Variants in GUSB observed in about 807,000 individuals in gnomAD.
GUSB encodes the protein glucuronidase beta, also known as beta-glucuronidase.
GUSB carries 51 observed loss-of-function variants against 74.6 expected under a neutral mutation model. The observed-to-expected ratio is 0.68, with a 90% CI of 0.55 to 0.86. GUSB has a LOEUF of 0.86. Ranked by LOEUF, GUSB falls within the 40% of genes least tolerant of loss-of-function variation. GUSB has a pLI of 0.00. For missense variants in GUSB, 736 were observed against 853.7 expected, an observed-to-expected ratio of 0.86 and a Z score of 1.72; for synonymous variants, 360 against 348.3, an observed-to-expected ratio of 1.03 and a Z score of -0.37.
In GUSB at chr7:65,960,751, G is replaced by T; in HGVS notation, c.*146C>A. The T allele has an allele frequency of 2.8e-6, 2 of 722,698 alleles. No individual in the cohort carries two copies. The highest frequency in any genetic ancestry group is 5.0e-6 in the Non-Finnish European group (2 of 399,158). 44.8% of individuals were successfully genotyped at this position (722,698 alleles called of 1,614,324 possible). A position where few individuals can be genotyped will look rare whatever the true frequency, so the allele number is the denominator to read the frequency against. ...AGAAAATCTTTTATTTCCACCTTTA[G>T]TGTTCCCTGCTAGAATAGATGACCA... On this transcript the variant is annotated 3_prime_UTR_variant, in exon 12 of 12. Coordinates refer to ENST00000304895, the MANE Select transcript of GUSB (RefSeq NM_000181.4).
chr7:65,965,295 A>G (rs1271389781), intron 10 of GUSB, among the ~76,000 whole-genome samples: 1 of 151,284 alleles, frequency 6.6e-6, no homozygotes, highest in African/African-American at 2.4e-5. Context: ...AGTTCAAGCT[A>G]CTTGGGGCTA....
At chr7:65,966,484 A>G (rs1396134422) in intron 10 of GUSB, among the ~76,000 whole-genome samples, 1 of 151,990 alleles carries the variant, frequency 6.6e-6, no homozygotes, top group Non-Finnish European at 1.5e-5. Flanking sequence ...GGACAAAAAA[A>G]TGAGATAGAT....
At chr7:65,963,773 T>C (rs912201342) in intron 11 of GUSB, among the ~76,000 whole-genome samples, 1 of 152,180 alleles carries the variant, frequency 6.6e-6, no homozygotes, top group Non-Finnish European at 1.5e-5. Flanking sequence ...CTTGAACTCC[T>C]GGCCTCAAGC....
At position 65,963,156 on chromosome 7, in the gene GUSB, C is replaced by G. The variant is rs1469834514; in HGVS notation, c.1789+1167G>C. 2.0e-5 allele frequency among the ~76,000 whole-genome samples: 3 copies of G among 152,240 alleles called. No individual in the cohort carries two copies. The East Asian group carries it at 5.8e-4, about 30-fold the overall frequency. ...CACAGGCTTGAGCCACTGCGCCCAG[C>G]CTGCAGCTCATTTCTTACCGCATAA... On this transcript the variant is annotated intron_variant, in intron 11 of 11. Transcript: ENST00000304895.
At chr7:65,978,027 G>T (rs34983797) in intron 4 of GUSB, among the ~76,000 whole-genome samples, 3 of 150,654 alleles carry the variant, frequency 2.0e-5, no homozygotes, top group Non-Finnish European at 3.0e-5. Flanking sequence ...AGTCAGGATG[G>T]TCGCGATCTC....
At chr7:65,971,573 CA>C (rs1298460149) in intron 8 of GUSB, among the ~76,000 whole-genome samples, 9 of 151,420 alleles carry the variant, frequency 5.9e-5, no homozygotes, top group African/African-American at 1.5e-4. Context: ...CAAAAAAATA[CA>C]AAAAAAACCT....
At chr7:65,969,978 G>A (rs1366009101) in intron 9 of GUSB, among the ~76,000 whole-genome samples, 4 of 152,152 alleles carry the variant, frequency 2.6e-5, no homozygotes, top group South Asian at 4.1e-4. Flanking sequence ...TAAGCAGGGG[G>A]AGAATTCTCA....
chr7:65,980,001 C>A, intron 2 of GUSB, 90 bp from the exon 3 acceptor site: 1 of 1,144,426 alleles, frequency 8.7e-7, no homozygotes, highest in South Asian at 1.4e-5. Context: ...TAACCTGCAG[C>A]ATGGGGCTCC....
intron 10 of GUSB, among the ~76,000 whole-genome samples, chr7:65,967,323 A>G (rs1045394027): frequency 2.0e-5 from 3 of 152,022 alleles, no homozygotes; most frequent in Non-Finnish European, 4.4e-5. Context: ...GCGTGTTGGC[A>G]TGTGCCTATG....
intron 8 of GUSB, among the ~76,000 whole-genome samples, chr7:65,973,194 G>A (rs1242121419): frequency 6.6e-6 from 1 of 152,208 alleles, no homozygotes; most frequent in African/African-American, 2.4e-5. Context: ...GCTCACGCCT[G>A]TAATCCCAGC....
intron 8 of GUSB, among the ~76,000 whole-genome samples, chr7:65,970,665 G>C (rs1056502580): frequency 6.6e-6 from 1 of 152,016 alleles, no homozygotes; most frequent in Admixed American, 6.6e-5. Flanking sequence ...AGGCCGAGGC[G>C]GGCAGATCAC....
At position 65,964,376 on chromosome 7, in the gene GUSB, T is replaced by A. The variant is rs1433672623; in HGVS notation, c.1736A>T (p.Lys579Ile). ...CCAAATGAGCTCTCCAACCACGTATTTTCTGCGTTTTTGATCCAGACCCAG... is the reference window on the plus strand; with the variant it reads ...CCAAATGAGCTCTCCAACCACGTATATTCTGCGTTTTTGATCCAGACCCAG... The part of the protein sequence containing the change: ...YHLGLDQKRR[K>I]YVVGELIWNF... Residue 579 changes from lysine (K) to isoleucine (I), a missense_variant, in exon 11 of 12, where the codon AAA becomes ATA. Physicochemically the swap from Lys to Ile is moderately radical, Grantham distance 102 (BLOSUM62 -3). Around this residue, in one of 2 missense-constraint regions of GUSB, gnomAD observed 368 missense variants for 489.9 expected, o/e 0.75. Coordinates refer to ENST00000304895, the MANE Select transcript of GUSB (RefSeq NM_000181.4). 1 of 1,611,766 alleles carries A rather than the reference T, an allele frequency of 6.2e-7. No homozygotes were observed. Among genetic ancestry groups the A allele is most frequent in the Non-Finnish European group, 8.5e-7 (1 of 1,179,678 alleles).
At chr7:65,964,775 AAT>A (rs997170710) in intron 10 of GUSB, among the ~76,000 whole-genome samples, 1 of 152,126 alleles carries the variant, frequency 6.6e-6, no homozygotes, top group African/African-American at 2.4e-5. Flanking sequence ...TACAGGCAAA[AAT>A]ATGTCTTTCA....
intron 8 of GUSB, 135 bp from the exon 9 acceptor site, chr7:65,970,501 C>G: frequency 1.5e-6 from 1 of 662,608 alleles, no homozygotes. Flanking sequence ...CCTGTAATCC[C>G]AGCACTTTGG....
chr7:65,974,374 T>C lies in GUSB; in HGVS notation c.1312A>G (p.Lys438Glu). ...QVMEEVVRRD[K>E]NHPAVVMWSV... ...CACATCACGACCGCGGGGTGGTTCTTGTCCCTACGCACCACTTCTTCCATC... is the reference window on the plus strand; with the variant it reads ...CACATCACGACCGCGGGGTGGTTCTCGTCCCTACGCACCACTTCTTCCATC... Residue 438 changes from lysine (K) to glutamate (E), a missense_variant, in exon 8 of 12, where the codon AAG (lysine) becomes GAG (glutamate). Around this residue, in one of 2 missense-constraint regions of GUSB, gnomAD observed 368 missense variants for 489.9 expected, o/e 0.75. Transcript: ENST00000304895. The C allele has an allele frequency of 6.2e-7, 1 of 1,614,172 alleles. No individual in the cohort carries two copies. Among genetic ancestry groups the C allele is most frequent in the South Asian group, 1.1e-5 (1 of 91,076 alleles).
At chr7:65,978,154 A>T (rs1791717235) in intron 4 of GUSB, among the ~76,000 whole-genome samples, 1 of 152,124 alleles carries the variant, frequency 6.6e-6, no homozygotes, top group African/African-American at 2.4e-5. Flanking sequence ...TAAAACAAAA[A>T]TTTTTCTTAA....
In GUSB at chr7:65,979,472, A is replaced by G; in HGVS notation, c.651T>C (p.Ser217=). The change falls in exon 4 of 12, where the codon TCT becomes TCC. Residue 217 remains serine (S), a synonymous_variant. Coordinates refer to ENST00000304895, the MANE Select transcript of GUSB (RefSeq NM_000181.4). The stretch of plus-strand genomic sequence containing the variant: ...TGGTGGGTGTCGTGTACAGAAGTAC[A>G]GACCGCTGCAGTCCAGCGTAGTTGA... ...DFFNYAGLQR[S]VLLYTTPTTY... The G allele has an allele frequency of 6.2e-7, 1 of 1,613,952 alleles. No homozygotes were observed. Among genetic ancestry groups the G allele is most frequent in the Non-Finnish European group, 8.5e-7 (1 of 1,179,782 alleles).
In GUSB at chr7:65,968,415, G is replaced by A. The variant is rs541120422; in HGVS notation, c.1477-508C>T. On this transcript the variant is annotated intron_variant, in intron 9 of 11. Transcript: ENST00000304895. ...ACTCATGACGTGCGCCGCTGGGAAG[G>A]GCTGTGAGAGGCACAGCAGCTGCCA... is the stretch of plus-strand genomic sequence containing the variant. Among the ~76,000 whole-genome samples, 9 of 152,148 alleles carry A rather than the reference G, an allele frequency of 5.9e-5. No individual in the cohort carries two copies. The South Asian group carries it at 1.0e-3, about 18-fold the overall frequency.
rs1271928727 is a variant in GUSB, at chr7:65,970,268, ACCCCCAGGCTCACC to A, written c.1476_1476+13del. The A allele has an allele frequency of 1.3e-6, 2 of 1,567,442 alleles. No individual in the cohort carries two copies. The highest frequency in any genetic ancestry group is 2.2e-5 in the South Asian group (2 of 90,196). On this transcript the variant is annotated splice_donor_variant and splice_donor_5th_base_variant and coding_sequence_variant and intron_variant, in exon 9 of 12. Coordinates refer to ENST00000304895, the MANE Select transcript of GUSB (RefSeq NM_000181.4). LOFTEE classifies it high-confidence loss of function. Reference sequence around the variant, plus strand: ...AAAGGCAGGGAGAAGTGGGGTGGGGACCCCCAGGCTCACCCCCTTGTCTGCTGCATAGTTAGAGT... The same window carrying A: ...AAAGGCAGGGAGAAGTGGGGTGGGGACCCTTGTCTGCTGCATAGTTAGAGT...
Sources: gnomAD v4.1 joint callset for allele counts (sites outside exome capture counted in the v4.1 genomes callset) on GRCh38, gnomAD v4.1.1 for gene constraint, gnomAD v4.1.1 regional missense constraint, MANE v1.5 for transcripts, NCBI Gene and HGNC (gene_info 2026-07-23, HGNC 2026-07-21) for gene names.